Variants in ANKRD30A observed in about 807,000 individuals in gnomAD.
ANKRD30A encodes the protein ankyrin repeat domain-containing protein 30A.
A neutral mutation model predicts 166.3 loss-of-function variants in ANKRD30A; 170 were observed. The observed-to-expected ratio is 1.02, with a 90% CI of 0.90 to 1.16. The LOEUF (loss-of-function observed/expected upper bound fraction) is 1.16. ANKRD30A is among the 50% of genes most tolerant of loss of function. The pLI is 0.00. For synonymous variants in ANKRD30A, 564 were observed against 508.9 expected, an observed-to-expected ratio of 1.11 and a Z score of -1.46; for missense variants, 1,630 against 1,518.0, an observed-to-expected ratio of 1.07 and a Z score of -1.23.
At chr10:37,214,540 G>GTATA (rs140166249) in intron 31 of ANKRD30A, among the ~76,000 whole-genome samples, 2,426 of 139,754 alleles carry the variant, frequency 0.017, 40 homozygotes, top group East Asian at 0.083. Flanking sequence ...AGTTTTATAG[G>GTATA]TATATATATA....
chr10:37,142,257 A>G lies in ANKRD30A; in HGVS notation c.1360A>G (p.Thr454Ala), dbSNP rs755710667. The change falls in exon 7 of 36, where the codon ACA becomes GCA. Residue 454 changes from threonine (T) to alanine (A), a missense_variant. Thr to Ala is a moderately conservative substitution (Grantham distance 58). Transcript: ENST00000361713. Reference sequence around the variant, plus strand: ...AAGATCTAAGATGATTGCATGTCCTACAAAAGAATCATCTACAAAAGCAAG... The same window carrying G: ...AAGATCTAAGATGATTGCATGTCCTGCAAAAGAATCATCTACAAAAGCAAG... ...KGRSKMIACP[T>A]KESSTKASAN... The G allele has an allele frequency of 4.4e-6, 7 of 1,598,210 alleles. No homozygotes were observed. Among genetic ancestry groups the G allele is most frequent in the Admixed American group, 3.6e-5 (2 of 55,678 alleles).
Position 37,200,919 on chromosome 10 carries a change from G to T in ANKRD30A, c.2779-316G>T, listed in dbSNP as rs546659279. ...AAATGTCATATTTATTGTTGTTGAG[G>T]ACGACAACATGTTAGATATTTTTAA... On this transcript the variant is annotated intron_variant, in intron 30 of 35. Transcript: ENST00000361713. Among the ~76,000 whole-genome samples the T allele has an allele frequency of 7.9e-5, 12 of 152,048 alleles. No individual in the cohort carries two copies. In the South Asian group the frequency reaches 2.5e-3, roughly 32 times the overall value.
At chr10:37,245,674 C>T in the ANKRD30A span, among the ~76,000 whole-genome samples, 1 of 151,922 alleles carries the variant, frequency 6.6e-6, no homozygotes, top group East Asian at 1.9e-4. Flanking sequence ...GAAGTATGCT[C>T]ATGTCTTAAC....
At chr10:37,155,222 A>C (rs1838274588) in intron 13 of ANKRD30A, among the ~76,000 whole-genome samples, 1 of 152,210 alleles carries the variant, frequency 6.6e-6, no homozygotes, top group Non-Finnish European at 1.5e-5. Flanking sequence ...GAAATACAGC[A>C]ATATTGAAAG....
chr10:37,141,158 G>C (rs1200994367), intron 6 of ANKRD30A, among the ~76,000 whole-genome samples: 1 of 151,828 alleles, frequency 6.6e-6, no homozygotes, highest in Non-Finnish European at 1.5e-5. Context: ...TTTATTTAGT[G>C]CTTACTCTGT....
In ANKRD30A at chr10:37,222,289, C is replaced by A. The variant is rs545234571; in HGVS notation, c.4185+2392C>A. ...TTTCTTCACCTTCCCCAGTCCTAGGCAACCATCGTCTAGTTTTTGTCTTTA... is the reference window on the plus strand; with the variant it reads ...TTTCTTCACCTTCCCCAGTCCTAGGAAACCATCGTCTAGTTTTTGTCTTTA... On this transcript the variant is annotated intron_variant, in intron 34 of 35. Coordinates refer to ENST00000361713, the MANE Select transcript of ANKRD30A (RefSeq NM_052997.3). 2.0e-5 allele frequency among the ~76,000 whole-genome samples: 3 copies of A among 151,358 alleles called. No individual in the cohort carries two copies. The South Asian group carries it at 6.2e-4, about 31-fold the overall frequency.
chr10:37,218,562 G>A (rs1294423999), intron 33 of ANKRD30A, among the ~76,000 whole-genome samples: 1 of 150,996 alleles, frequency 6.6e-6, no homozygotes, highest in African/African-American at 2.4e-5. Flanking sequence ...GGAACTGAAA[G>A]AGCTCTGGGA....
At chr10:37,154,475 G>C (rs570293725) in intron 13 of ANKRD30A, among the ~76,000 whole-genome samples, 1 of 152,264 alleles carries the variant, frequency 6.6e-6, no homozygotes, top group African/African-American at 2.4e-5. Context: ...AGAAGGTCAA[G>C]ACAGAAAAGG....
intron 25 of ANKRD30A, among the ~76,000 whole-genome samples, chr10:37,191,111 A>G (rs1840531484): frequency 6.6e-6 from 1 of 151,852 alleles, no homozygotes. Context: ...AGTCTGTTGC[A>G]ACTAAATTTA....
At chr10:37,153,781 G>A (rs988858882) in intron 13 of ANKRD30A, 119 bp downstream of exon 13, 3 of 1,380,860 alleles carry the variant, frequency 2.2e-6, no homozygotes, top group South Asian at 1.3e-5. Flanking sequence ...TGGAAAAAAA[G>A]AGAAGTGCAA....
intron 34 of ANKRD30A, 48 bp from the exon 35 acceptor site, chr10:37,231,413 G>A (rs983516188): frequency 6.6e-7 from 1 of 1,521,442 alleles, no homozygotes; most frequent in Non-Finnish European, 8.9e-7. Context: ...TTCTAATTAT[G>A]TAGGAAAAAA....
intron 13 of ANKRD30A, 46 bp downstream of exon 13, chr10:37,153,708 C>G (rs750579120): frequency 5.6e-6 from 9 of 1,605,330 alleles, no homozygotes; most frequent in Non-Finnish European, 6.8e-6. Flanking sequence ...GAATATTTCT[C>G]TAAACTGATG....
chr10:37,256,050 C>G, the ANKRD30A span, among the ~76,000 whole-genome samples: 2 of 152,122 alleles, frequency 1.3e-5, no homozygotes, highest in African/African-American at 4.8e-5. Context: ...TTGTGGTGAT[C>G]TTTGGGCTCA....
intron 34 of ANKRD30A, among the ~76,000 whole-genome samples, chr10:37,227,666 A>T (rs1401173504): frequency 2.6e-5 from 4 of 151,956 alleles, no homozygotes. Context: ...CCATGACTTG[A>T]TGGGAAGTCA....
rs759239042 is a variant in ANKRD30A, at chr10:37,219,434, G to A, written c.3722G>A (p.Ser1241Asn). The change falls in exon 34 of 36, where the codon AGT (serine) becomes AAT (asparagine). Residue 1241 changes from serine to asparagine, a missense_variant. Transcript: ENST00000361713. ...LQRKMNVDVS[S>N]TIYNNEVLHQ... The stretch of plus-strand genomic sequence containing the variant: ...AGAAAAATGAATGTTGATGTGAGTA[G>A]TACGATATATAACAATGAGGTGCTC... 49 of 1,610,348 alleles carry A rather than the reference G, an allele frequency of 3.0e-5. 2 individuals carry two copies. In the South Asian group the frequency reaches 5.4e-4, roughly 18 times the overall value.
At chr10:37,248,698 CTT>C in the ANKRD30A span, among the ~76,000 whole-genome samples, 21 of 137,710 alleles carry the variant, frequency 1.5e-4, no homozygotes, top group Admixed American at 1.5e-4. Flanking sequence ...TCACGAGTCA[CTT>C]TTTTTTTTTT....
rs879093946 is a variant in ANKRD30A, at chr10:37,219,624, C to G, written c.3912C>G (p.Asn1304Lys). Residue 1304 changes from asparagine to lysine, a missense_variant, in exon 34 of 36, where the codon AAC (asparagine) becomes AAG (lysine). Transcript: ENST00000361713. ...QMKEAEHMYQ[N>K]EQDNVNKHTE... ...AGGAAGCTGAACACATGTATCAAAA[C>G]GAACAAGATAATGTGAACAAACACA... 1 of 1,610,064 alleles carries G rather than the reference C, an allele frequency of 6.2e-7. No homozygotes were observed. Among genetic ancestry groups the G allele is most frequent in the Non-Finnish European group, 8.5e-7 (1 of 1,177,578 alleles).
chr10:37,172,308 G>T (rs1839634843), intron 21 of ANKRD30A, among the ~76,000 whole-genome samples: 1 of 120,210 alleles, frequency 8.3e-6, no homozygotes, highest in East Asian at 2.2e-4. Context: ...TGGGAAAATA[G>T]TGGAAGAAGA....
At chr10:37,166,825 T>C in intron 19 of ANKRD30A, 130 bp downstream of exon 19, 9 of 1,401,958 alleles carry the variant, frequency 6.4e-6, no homozygotes, top group Admixed American at 2.7e-5. Flanking sequence ...AGAAGTGCAA[T>C]GGTCATAAGT....
Sources: gnomAD v4.1 joint callset for allele counts (sites outside exome capture counted in the v4.1 genomes callset) on GRCh38, gnomAD v4.1.1 for gene constraint, MANE v1.5 for transcripts, NCBI Gene and HGNC (gene_info 2026-07-23, HGNC 2026-07-21) for gene names.